AFF3: variants seen among roughly 807,000 people sequenced by gnomAD.
AFF3 encodes ALF transcription elongation factor 3, also known as AF4/FMR2 family member 3.
Under a neutral mutation model 129.7 loss-of-function variants are expected in AFF3, and 32 were observed. That is an observed-to-expected ratio of 0.25 (90% CI 0.19 to 0.33). The LOEUF is 0.33. Among genes scored for constraint, AFF3 ranks in the 10% least tolerant of loss-of-function variants. The pLI is 1.00. For synonymous variants in AFF3, 644 were observed against 635.4 expected (o/e 1.01, Z -0.20); for missense variants, 1,373 against 1,592.0 (o/e 0.86, Z 2.34).
intron 13 of AFF3, among the ~76,000 whole-genome samples, chr2:99,632,008 CTTTTTTTT>C (rs745651225): frequency 2.6e-5 from 2 of 76,884 alleles, no homozygotes; most frequent in Admixed American, 2.0e-4. Flanking sequence ...CTTGCCAACA[CTTTTTTTT>C]TTTTTTTTTT....
rs78175280 is a variant in AFF3 at position 100,111,797 on chromosome 2, G to A, written c.-144-6214C>T. Among the ~76,000 whole-genome samples the A allele has an allele frequency of 6.6e-3, 1,010 of 152,310 alleles. 9 individuals are homozygous for A. The highest frequency in any genetic ancestry group is 0.022 in the African/African-American group (915 of 41,566). ...GTTAGAACCCTATAATAAGATCGCA[G>A]AAGCTTGAAAGTTGGGAGAAGCCAT... is the stretch of plus-strand genomic sequence containing the variant. On this transcript the variant is annotated intron_variant, in intron 2 of 24. Transcript: ENST00000672756.
At chr2:99,668,114 C>T (rs867070980) in intron 12 of AFF3, among the ~76,000 whole-genome samples, 4 of 152,012 alleles carry the variant, frequency 2.6e-5, no homozygotes, top group African/African-American at 4.8e-5. Context: ...GCCAAGACTG[C>T]GCCACTGCAC....
intron 7 of AFF3, among the ~76,000 whole-genome samples, chr2:99,936,167 A>C (rs563019687): frequency 2.0e-5 from 3 of 152,286 alleles, no homozygotes; most frequent in African/African-American, 7.2e-5. Flanking sequence ...GGTATTTACG[A>C]GCTGGGTATG....
At position 99,650,547 on chromosome 2, in the gene AFF3, A is replaced by T. The variant is rs1188202971; in HGVS notation, c.1144-881T>A. On this transcript the variant is annotated intron_variant, in intron 12 of 24. Coordinates refer to ENST00000672756, the MANE Select transcript of AFF3 (RefSeq NM_001386135.1). ...GCACTCCAGCCTGGGCAACAAGAGT[A>T]AAACTCCATCTCAAAAATAAATAAA... Among the ~76,000 whole-genome samples, 4 of 152,208 alleles carry T rather than the reference A, an allele frequency of 2.6e-5. No individual in the cohort carries two copies. In the East Asian group the frequency reaches 5.8e-4, roughly 22 times the overall value.
chr2:99,668,545 A>G (rs527295613), intron 12 of AFF3, among the ~76,000 whole-genome samples: 6 of 151,192 alleles, frequency 4.0e-5, no homozygotes, highest in African/African-American at 1.5e-4. Flanking sequence ...AATAATTATC[A>G]TCTTTTTGTT....
At chr2:100,017,028 T>C (rs991738140) in intron 4 of AFF3, among the ~76,000 whole-genome samples, 1 of 151,860 alleles carries the variant, frequency 6.6e-6, no homozygotes, top group African/African-American at 2.4e-5. Flanking sequence ...ACAGTAGTGA[T>C]GGTGGTGGTG....
chr2:100,070,222 A>C (rs1273755596), intron 4 of AFF3, among the ~76,000 whole-genome samples: 2 of 149,942 alleles, frequency 1.3e-5, no homozygotes, highest in Non-Finnish European at 3.0e-5. Flanking sequence ...AAAAAAAAAA[A>C]CTGTAAAACG....
At position 100,139,616 on chromosome 2, in the gene AFF3, G is replaced by A. The variant is rs112812244; in HGVS notation, c.-228+2868C>T. Among the ~76,000 whole-genome samples, 817 of 152,292 alleles carry A rather than the reference G, an allele frequency of 5.4e-3. 3 individuals carry two copies. The highest frequency in any genetic ancestry group is 0.01 in the Middle Eastern group (3 of 294). ...GGTTTGTATTTGTACACAAACACCT[G>A]CTTGTATTTTAATGATGAGAACAAT... is the stretch of plus-strand genomic sequence containing the variant. On this transcript the variant is annotated intron_variant, in intron 1 of 24. Transcript: ENST00000672756.
chr2:99,927,537 T>G (rs1696346168), intron 7 of AFF3, among the ~76,000 whole-genome samples: 1 of 151,802 alleles, frequency 6.6e-6, no homozygotes, highest in South Asian at 2.1e-4. Context: ...TGAGAACACA[T>G]GGACACATAG....
At chr2:99,669,740 C>T (rs6720070) in intron 12 of AFF3, among the ~76,000 whole-genome samples, 86,899 of 152,028 alleles carry the variant, frequency 0.57, 25,429 homozygotes, top group African/African-American at 0.7. Flanking sequence ...GAGGCCGAGG[C>T]GGGTGGATCA....
At chr2:99,674,435 C>T (rs1687435856) in intron 11 of AFF3, among the ~76,000 whole-genome samples, 1 of 152,178 alleles carries the variant, frequency 6.6e-6, no homozygotes, top group Admixed American at 6.5e-5. Context: ...GATGAGGCCC[C>T]TTCCCCAAGA....
intron 4 of AFF3, among the ~76,000 whole-genome samples, chr2:100,075,527 G>A (rs1573350421): frequency 6.6e-6 from 1 of 152,190 alleles, no homozygotes; most frequent in Non-Finnish European, 1.5e-5. Flanking sequence ...AGCACCACCA[G>A]ACAAGAGCTT....
chr2:99,658,279 C>T (rs950204262), intron 12 of AFF3, among the ~76,000 whole-genome samples: 1 of 152,108 alleles, frequency 6.6e-6, no homozygotes, highest in African/African-American at 2.4e-5. Context: ...GAGAGGGGCC[C>T]TGAAGGATGC....
At chr2:99,851,696 A>G (rs1690156381) in intron 7 of AFF3, among the ~76,000 whole-genome samples, 1 of 152,202 alleles carries the variant, frequency 6.6e-6, no homozygotes, top group Non-Finnish European at 1.5e-5. Flanking sequence ...TAATATCTAT[A>G]AAGACCCACT....
At chr2:100,055,474 A>G (rs540789557) in intron 4 of AFF3, among the ~76,000 whole-genome samples, 7 of 151,548 alleles carry the variant, frequency 4.6e-5, no homozygotes, top group East Asian at 3.9e-4. Flanking sequence ...AAAAAAAAAA[A>G]AAAAGAAAAG....
chr2:99,628,389 GATTT>G, intron 13 of AFF3, among the ~76,000 whole-genome samples: 1 of 152,140 alleles, frequency 6.6e-6, no homozygotes, highest in South Asian at 2.1e-4. Context: ...GAATACTAGT[GATTT>G]TTGCATGTTG....
At chr2:99,768,054 G>C (rs1295020715) in intron 8 of AFF3, among the ~76,000 whole-genome samples, 1 of 152,120 alleles carries the variant, frequency 6.6e-6, no homozygotes, top group African/African-American at 2.4e-5. Context: ...CTTAATTGTT[G>C]TGTCTCAATA....
At chr2:99,986,324 C>T (rs1032206501) in intron 7 of AFF3, among the ~76,000 whole-genome samples, 4 of 151,510 alleles carry the variant, frequency 2.6e-5, no homozygotes, top group Non-Finnish European at 5.9e-5. Flanking sequence ...TAGCCACAAC[C>T]TCTTCAAGCG....
chr2:99,915,349 G>A (rs554927337), intron 7 of AFF3, among the ~76,000 whole-genome samples: 1 of 151,958 alleles, frequency 6.6e-6, no homozygotes, highest in African/African-American at 2.4e-5. Flanking sequence ...CGTAATTTAA[G>A]ACACATACAG....
Sources: gnomAD v4.1 joint callset for allele counts (sites outside exome capture counted in the v4.1 genomes callset) on GRCh38, gnomAD v4.1.1 for gene constraint, MANE v1.5 for transcripts, NCBI Gene and HGNC (gene_info 2026-07-23, HGNC 2026-07-21) for gene names.